Variants in SPIDR observed in about 807,000 individuals in gnomAD.
SPIDR encodes the protein scaffold protein involved in DNA repair, also known as DNA repair-scaffolding protein.
SPIDR carries 93 observed loss-of-function variants against 104.6 expected under a neutral mutation model. That is an observed-to-expected ratio of 0.89 (90% CI 0.75 to 1.06). The LOEUF (loss-of-function observed/expected upper bound fraction) is 1.06. Among genes scored for constraint, SPIDR ranks in the 50% least tolerant of loss-of-function variants. The probability of loss-of-function intolerance (pLI) is 0.00; values close to 1 mark genes in which losing one functional copy is unlikely to be tolerated. For missense variants in SPIDR, 1,154 were observed against 1,111.2 expected (o/e 1.04, Z -0.55); for synonymous variants, 431 against 416.9 (o/e 1.03, Z -0.41).
In SPIDR at chr8:47,536,830, A is replaced by C. The variant is rs563481745; in HGVS notation, c.1098-58981A>C. Among the ~76,000 whole-genome samples the C allele has an allele frequency of 1.4e-4, 22 of 152,354 alleles. No homozygotes were observed. The South Asian group carries it at 4.3e-3, about 30-fold the overall frequency. The stretch of plus-strand genomic sequence containing the variant: ...CAAGCCATGGACATATCTTGTAAAG[A>C]ACTTGTACTCAGAATATACTAAGAA... On this transcript the variant is annotated intron_variant, in intron 8 of 19. Transcript: ENST00000297423.
intron 1 of SPIDR, among the ~76,000 whole-genome samples, chr8:47,261,461 G>T (rs954177840): frequency 1.3e-5 from 2 of 152,208 alleles, no homozygotes; most frequent in Non-Finnish European, 2.9e-5. Context: ...GCACCGCGCT[G>T]CCTCGGGTTC....
rs564560675 is a variant in SPIDR, at chr8:47,602,397, C to T, written c.1544+3201C>T. Among the ~76,000 whole-genome samples the T allele has an allele frequency of 2.2e-4, 33 of 152,318 alleles. No individual in the cohort carries two copies. The South Asian group carries it at 5.2e-3, about 24-fold the overall frequency. The stretch of plus-strand genomic sequence containing the variant: ...TGAGCTCTTGTCATTATCTGCTCTA[C>T]CCCAGAGATCTTTCAAACTATCCGT... On this transcript the variant is annotated intron_variant, in intron 10 of 19. Coordinates refer to ENST00000297423, the MANE Select transcript of SPIDR (RefSeq NM_001080394.4).
At chr8:47,551,638 A>C (rs887027829) in intron 8 of SPIDR, among the ~76,000 whole-genome samples, 8 of 151,938 alleles carry the variant, frequency 5.3e-5, no homozygotes, top group African/African-American at 1.7e-4. Context: ...ATTTTTTATT[A>C]CGTCTATCTG....
At chr8:47,696,675 A>G (rs538363852) in intron 11 of SPIDR, among the ~76,000 whole-genome samples, 48 of 152,304 alleles carry the variant, frequency 3.2e-4, no homozygotes, top group African/African-American at 1.1e-3. Context: ...CCACACTCTC[A>G]TAGAAAGGTG....
chr8:47,363,647 C>G (rs903042146), intron 5 of SPIDR, among the ~76,000 whole-genome samples: 1 of 151,846 alleles, frequency 6.6e-6, no homozygotes, highest in East Asian at 1.9e-4. Context: ...TGTTTGGAAC[C>G]GTAGTGAACA....
At chr8:47,390,485 T>TA (rs60465902) in intron 5 of SPIDR, among the ~76,000 whole-genome samples, 125 of 143,170 alleles carry the variant, frequency 8.7e-4, no homozygotes, top group African/African-American at 1.8e-3. Context: ...TGTGTGCTAT[T>TA]AAAAAAAAAA....
intron 5 of SPIDR, among the ~76,000 whole-genome samples, chr8:47,307,508 C>T (rs1355781799): frequency 2.7e-5 from 4 of 148,132 alleles, no homozygotes; most frequent in Non-Finnish European, 4.5e-5. Context: ...TGTGAGCCAC[C>T]GCACCCAGCC....
chr8:47,654,110 T>C, intron 10 of SPIDR: 2 of 1,289,832 alleles, frequency 1.6e-6, no homozygotes, highest in Non-Finnish European at 2.0e-6. Context: ...CCAAGAGGCA[T>C]GCAGGAGCCA....
chr8:47,689,141 G>A (rs1276936770), intron 11 of SPIDR, among the ~76,000 whole-genome samples: 1 of 152,214 alleles, frequency 6.6e-6, no homozygotes, highest in African/African-American at 2.4e-5. Context: ...AATTTTTGGA[G>A]GGGGAGCGGA....
At chr8:47,567,842 G>A (rs560571446) in intron 8 of SPIDR, among the ~76,000 whole-genome samples, 1 of 129,636 alleles carries the variant, frequency 7.7e-6, no homozygotes, top group African/African-American at 2.9e-5. Flanking sequence ...CTGAAGTGCA[G>A]AGGCATAATC....
chr8:47,506,900 T>G (rs1045753133), intron 8 of SPIDR, among the ~76,000 whole-genome samples: 1 of 152,156 alleles, frequency 6.6e-6, no homozygotes, highest in Non-Finnish European at 1.5e-5. Context: ...GACACTCCAC[T>G]GTGTTGGGAA....
At chr8:47,554,405 T>G (rs2154398693) in intron 8 of SPIDR, among the ~76,000 whole-genome samples, 1 of 152,306 alleles carries the variant, frequency 6.6e-6, no homozygotes, top group South Asian at 2.1e-4. Flanking sequence ...TCCACCCAGT[T>G]TGAACTTCCC....
At chr8:47,622,270 G>C (rs960332149) in intron 10 of SPIDR, among the ~76,000 whole-genome samples, 4 of 152,304 alleles carry the variant, frequency 2.6e-5, no homozygotes, top group Middle Eastern at 3.4e-3. Flanking sequence ...TGGCTTTGAA[G>C]TTTTCAACCT....
chr8:47,595,724 C>T (rs1396713723), intron 8 of SPIDR, 87 bp from the exon 9 acceptor site: 3 of 1,299,950 alleles, frequency 2.3e-6, no homozygotes, highest in Non-Finnish European at 2.2e-6. Flanking sequence ...GCAGGCGAGT[C>T]ATTGCTCTTT....
intron 5 of SPIDR, among the ~76,000 whole-genome samples, chr8:47,374,782 A>G (rs1191091971): frequency 2.0e-5 from 3 of 152,188 alleles, no homozygotes; most frequent in Non-Finnish European, 2.9e-5. Context: ...TAGGTGGGGC[A>G]TTGTGTCTCA....
chr8:47,360,692 A>G (rs907436067), intron 5 of SPIDR: 6 of 230,722 alleles, frequency 2.6e-5, no homozygotes, highest in African/African-American at 1.4e-4. Flanking sequence ...TGTCCAGATA[A>G]GTATGTGAAA....
At chr8:47,271,986 T>C (rs1360680457) in intron 1 of SPIDR, among the ~76,000 whole-genome samples, 1 of 151,862 alleles carries the variant, frequency 6.6e-6, no homozygotes, top group Non-Finnish European at 1.5e-5. Flanking sequence ...TTTTTTTTTC[T>C]TTTTTTGAGA....
chr8:47,582,534 A>T (rs1452594459), intron 8 of SPIDR, among the ~76,000 whole-genome samples: 1 of 152,104 alleles, frequency 6.6e-6, no homozygotes, highest in Non-Finnish European at 1.5e-5. Flanking sequence ...TCTTAAGTCT[A>T]TTAAATTGTT....
chr8:47,345,758 TCTG>T (rs1554617558), intron 5 of SPIDR, among the ~76,000 whole-genome samples: 2 of 149,894 alleles, frequency 1.3e-5, no homozygotes, highest in Admixed American at 6.6e-5. Context: ...GATTTGGCTG[TCTG>T]TTTGTCTCTT....
Sources: allele counts gnomAD v4.1 joint callset (sites outside exome capture counted in the v4.1 genomes callset), GRCh38; gene constraint gnomAD v4.1.1; transcripts MANE v1.5; gene names NCBI Gene and HGNC (gene_info 2026-07-23, HGNC 2026-07-21).